HS6ST3: variants seen among roughly 807,000 people sequenced by gnomAD.
HS6ST3 encodes heparan-sulfate 6-O-sulfotransferase 3.
Under a neutral mutation model 36.7 loss-of-function variants are expected in HS6ST3, and 12 were observed. The ratio of observed to expected loss-of-function variants is 0.33; its 90% CI spans 0.21 to 0.53. HS6ST3 has a LOEUF of 0.53. Among genes scored for constraint, HS6ST3 ranks in the 20% least tolerant of loss-of-function variants. The pLI, the probability that HS6ST3 is intolerant of heterozygous loss-of-function variation, is 0.95. For synonymous variants in HS6ST3, 240 were observed against 257.5 expected (o/e 0.93, Z 0.65); for missense variants, 584 against 640.9 (o/e 0.91, Z 0.96).
chr13:96,611,712 C>T (rs1254308753), intron 1 of HS6ST3, among the ~76,000 whole-genome samples: 2 of 152,124 alleles, frequency 1.3e-5, no homozygotes, highest in Non-Finnish European at 2.9e-5. Flanking sequence ...AGAGAAAATG[C>T]ATTCCAGGAA....
At chr13:96,261,958 T>A (rs1040776355) in intron 1 of HS6ST3, among the ~76,000 whole-genome samples, 7 of 152,142 alleles carry the variant, frequency 4.6e-5, no homozygotes, top group Non-Finnish European at 1.0e-4. Context: ...GAGAGAAGGA[T>A]CAACCGCTTT....
intron 1 of HS6ST3, among the ~76,000 whole-genome samples, chr13:96,577,571 C>G (rs2056326422): frequency 6.6e-6 from 1 of 152,036 alleles, no homozygotes; most frequent in African/African-American, 2.4e-5. Context: ...ATTTCTGGTT[C>G]CAGATTCTTG....
intron 1 of HS6ST3, among the ~76,000 whole-genome samples, chr13:96,478,149 G>T (rs994439527): frequency 2.0e-5 from 3 of 152,138 alleles, no homozygotes; most frequent in Non-Finnish European, 4.4e-5. Context: ...ACAACAGTGG[G>T]AGCTCAATCA....
intron 1 of HS6ST3, among the ~76,000 whole-genome samples, chr13:96,634,500 C>T (rs1309684928): frequency 3.3e-5 from 5 of 152,220 alleles, no homozygotes; most frequent in Admixed American, 6.5e-5. Context: ...AAGACTTAGT[C>T]TCCTCCATTC....
At chr13:96,537,842 G>C (rs1052693675) in intron 1 of HS6ST3, among the ~76,000 whole-genome samples, 15 of 152,194 alleles carry the variant, frequency 9.9e-5, no homozygotes, top group African/African-American at 3.6e-4. Context: ...ATAAATGAGA[G>C]TGGGAGAGAG....
intron 1 of HS6ST3, among the ~76,000 whole-genome samples, chr13:96,490,181 G>A (rs570331176): frequency 7.2e-5 from 11 of 152,140 alleles, no homozygotes; most frequent in South Asian, 2.1e-4. Flanking sequence ...TTTTGGATTC[G>A]GCAGCAGCTG....
chr13:96,790,476 T>G (rs1336139359), intron 1 of HS6ST3, among the ~76,000 whole-genome samples: 1 of 152,038 alleles, frequency 6.6e-6, no homozygotes, highest in Non-Finnish European at 1.5e-5. Flanking sequence ...TTAAGTAACA[T>G]GCTGTATGAA....
chr13:96,143,217 A>T (rs2054040564), intron 1 of HS6ST3, among the ~76,000 whole-genome samples: 2 of 152,008 alleles, frequency 1.3e-5, no homozygotes, highest in South Asian at 4.1e-4. Flanking sequence ...ACTATGAAAT[A>T]AGAAAATGAA....
chr13:96,716,463 G>A (rs1428117865), intron 1 of HS6ST3, among the ~76,000 whole-genome samples: 1 of 152,100 alleles, frequency 6.6e-6, no homozygotes, highest in African/African-American at 2.4e-5. Flanking sequence ...AACCAGGAGA[G>A]TATATTTGAT....
intron 1 of HS6ST3, among the ~76,000 whole-genome samples, chr13:96,548,676 G>C (rs2056206933): frequency 6.6e-6 from 1 of 152,166 alleles, no homozygotes; most frequent in Non-Finnish European, 1.5e-5. Flanking sequence ...AAAATCTGCA[G>C]AGCCAGCCTC....
chr13:96,333,516 G>A (rs985356596), intron 1 of HS6ST3, among the ~76,000 whole-genome samples: 19 of 152,324 alleles, frequency 1.2e-4, no homozygotes, highest in African/African-American at 4.6e-4. Flanking sequence ...GGGGTCTGCA[G>A]TGCTGGTTTG....
chr13:96,817,021 G>A (rs1261254067), intron 1 of HS6ST3, among the ~76,000 whole-genome samples: 1 of 152,094 alleles, frequency 6.6e-6, no homozygotes, highest in African/African-American at 2.4e-5. Context: ...TGAATTCCAA[G>A]TGCCTTTTGT....
intron 1 of HS6ST3, among the ~76,000 whole-genome samples, chr13:96,522,341 G>A (rs554043009): frequency 7.2e-5 from 11 of 152,154 alleles, no homozygotes; most frequent in Admixed American, 6.6e-4. Flanking sequence ...TTTGGGGTGG[G>A]GAGTTCTGTA....
At chr13:96,786,844 A>G (rs565403103) in intron 1 of HS6ST3, among the ~76,000 whole-genome samples, 41 of 146,004 alleles carry the variant, frequency 2.8e-4, no homozygotes, top group Middle Eastern at 6.8e-3. Flanking sequence ...GAACAGTTCC[A>G]TAATTCCCAA....
chr13:96,181,381 A>G (rs899142455), intron 1 of HS6ST3, among the ~76,000 whole-genome samples: 4 of 152,174 alleles, frequency 2.6e-5, no homozygotes, highest in Non-Finnish European at 5.9e-5. Context: ...TGTTTTTGCT[A>G]TTGCGTCGTG....
chr13:96,172,372 C>T (rs1594703393), intron 1 of HS6ST3, among the ~76,000 whole-genome samples: 1 of 152,202 alleles, frequency 6.6e-6, no homozygotes, highest in Admixed American at 6.5e-5. Context: ...TCAGATAGGG[C>T]TGTGCTTTCT....
chr13:96,593,535 ATTCT>A (rs1413556780), intron 1 of HS6ST3, among the ~76,000 whole-genome samples: 3 of 151,142 alleles, frequency 2.0e-5, no homozygotes. Flanking sequence ...AAGCTCACTA[ATTCT>A]TTCTTCTGCT....
intron 1 of HS6ST3, among the ~76,000 whole-genome samples, chr13:96,335,981 A>C (rs999047022): frequency 3.3e-5 from 5 of 152,186 alleles, no homozygotes; most frequent in Non-Finnish European, 7.4e-5. Context: ...TGGTTAGTTT[A>C]TCAGTATTTT....
At chr13:96,791,270 C>A (rs1265311269) in intron 1 of HS6ST3, among the ~76,000 whole-genome samples, 1 of 151,912 alleles carries the variant, frequency 6.6e-6, no homozygotes, top group African/African-American at 2.4e-5. Context: ...AAGTTCTGAC[C>A]CTTGGATCTT....
Sources: gnomAD v4.1 joint callset for allele counts (sites outside exome capture counted in the v4.1 genomes callset) on GRCh38, gnomAD v4.1.1 for gene constraint, MANE v1.5 for transcripts, NCBI Gene and HGNC (gene_info 2026-07-23, HGNC 2026-07-21) for gene names.